The following FHIT variants were observed in gnomAD, a reference collection of about 807,000 sequenced individuals.
FHIT encodes the protein fragile histidine triad diadenosine triphosphatase.
In FHIT, 19 loss-of-function variants were observed where a neutral mutation model predicts 17.9. The observed-to-expected ratio is 1.06, with a 90% CI of 0.74 to 1.56. The LOEUF (loss-of-function observed/expected upper bound fraction) is 1.56, where lower values mean the gene tolerates loss of function less well. Ranked by LOEUF, FHIT falls within the 40% of genes most tolerant of loss-of-function variation. The pLI is 0.00. For synonymous variants in FHIT, 81 were observed against 69.7 expected, an observed-to-expected ratio of 1.16 and a Z score of -0.81; for missense variants, 248 against 189.2, an observed-to-expected ratio of 1.31 and a Z score of -1.82.
At chr3:60,356,778 AAACGG>A (rs1699683034) in intron 5 of FHIT, among the ~76,000 whole-genome samples, 1 of 135,774 alleles carries the variant, frequency 7.4e-6, no homozygotes, top group Non-Finnish European at 1.5e-5. Flanking sequence ...AAAAAAAAAA[AAACGG>A]AAGAAAGAGT....
At chr3:60,632,948 A>T (rs184121276) in intron 4 of FHIT, among the ~76,000 whole-genome samples, 119 of 152,288 alleles carry the variant, frequency 7.8e-4, no homozygotes, top group African/African-American at 2.8e-3. Flanking sequence ...GAAACCTGAC[A>T]CTAAACTCCT....
chr3:60,558,796 C>T (rs532720199), intron 4 of FHIT, among the ~76,000 whole-genome samples: 1 of 152,270 alleles, frequency 6.6e-6, no homozygotes, highest in East Asian at 1.9e-4. Flanking sequence ...ATACCATTAC[C>T]AATCAATCAG....
At chr3:59,982,012 C>A (rs1405172839) in intron 7 of FHIT, among the ~76,000 whole-genome samples, 1 of 152,056 alleles carries the variant, frequency 6.6e-6, no homozygotes, top group African/African-American at 2.4e-5. Context: ...GACTTCACTT[C>A]TTTCTGAACA....
chr3:60,066,630 A>ATTTTTTTTTTTTTTTTTTTTTTTT lies in FHIT; in HGVS notation c.104-52502_104-52479dup, dbSNP rs71089574. 2.9e-4 allele frequency among the ~76,000 whole-genome samples: 15 copies of ATTTTTTTTTTTTTTTTTTTTTTTT among 51,422 alleles called. 5 individuals are homozygous for ATTTTTTTTTTTTTTTTTTTTTTTT. The highest frequency in any genetic ancestry group is 1.8e-3 in the Admixed American group (5 of 2,816). The allele number at this position is 51,422 out of a possible 152,430, so 33.7% of individuals were successfully genotyped here. On this transcript the variant is annotated intron_variant, in intron 5 of 9. Coordinates refer to ENST00000492590, the MANE Select transcript of FHIT (RefSeq NM_002012.4). ...ATAGGTTGATTTTAATCCCTGACAA[A>ATTTTTTTTTTTTTTTTTTTTTTTT]TTTTTTTTTTTTTTTTTTTTTTTTT...
At chr3:60,340,608 T>C (rs959716760) in intron 5 of FHIT, among the ~76,000 whole-genome samples, 6 of 152,230 alleles carry the variant, frequency 3.9e-5, no homozygotes, top group Non-Finnish European at 7.3e-5. Flanking sequence ...CATGTCAGAA[T>C]ATGCAAGACG....
At chr3:60,066,773 C>T (rs1371560368) in intron 5 of FHIT, among the ~76,000 whole-genome samples, 2 of 150,942 alleles carry the variant, frequency 1.3e-5, no homozygotes. Context: ...TCTCCTGCCT[C>T]AGCCTCCCGA....
intron 3 of FHIT, among the ~76,000 whole-genome samples, chr3:60,992,168 G>A (rs2030283357): frequency 6.6e-6 from 1 of 152,186 alleles, no homozygotes; most frequent in South Asian, 2.1e-4. Flanking sequence ...TCAAGAACAG[G>A]TGAAACTAAC....
chr3:60,053,700 CAAG>C (rs1701974598), intron 5 of FHIT, among the ~76,000 whole-genome samples: 1 of 152,048 alleles, frequency 6.6e-6, no homozygotes, highest in African/African-American at 2.4e-5. Context: ...TGCTTTCCTG[CAAG>C]TCATATCTGA....
chr3:60,741,620 T>A lies in FHIT; in HGVS notation c.-18+80299A>T, dbSNP rs570615165. 2.2e-4 allele frequency among the ~76,000 whole-genome samples: 34 copies of A among 152,356 alleles called. No homozygotes were observed. The South Asian group carries it at 5.8e-3, about 26-fold the overall frequency. ...ACTTTGTAACATTCCCCCCAGGCAC[T>A]TCAAGTCCAGTTTCGACTCTGTGAC... On this transcript the variant is annotated intron_variant, in intron 4 of 9. Transcript: ENST00000492590.
At chr3:61,245,344 A>G (rs1291290983) in intron 1 of FHIT, among the ~76,000 whole-genome samples, 2 of 152,164 alleles carry the variant, frequency 1.3e-5, no homozygotes, top group African/African-American at 2.4e-5. Context: ...CTTTCCCCAG[A>G]GTCACACACA....
chr3:60,685,035 A>G (rs1467790900), intron 4 of FHIT, among the ~76,000 whole-genome samples: 1 of 152,166 alleles, frequency 6.6e-6, no homozygotes, highest in African/African-American at 2.4e-5. Flanking sequence ...CGAGAAGTTG[A>G]TGCTGAGAGA....
intron 5 of FHIT, among the ~76,000 whole-genome samples, chr3:60,332,768 T>C (rs886663611): frequency 2.0e-5 from 3 of 152,184 alleles, no homozygotes; most frequent in Middle Eastern, 3.4e-3. Flanking sequence ...CACCACTCCA[T>C]CCCTATCACA....
At chr3:60,168,574 G>C (rs1701282158) in intron 5 of FHIT, among the ~76,000 whole-genome samples, 2 of 152,138 alleles carry the variant, frequency 1.3e-5, no homozygotes, top group African/African-American at 4.8e-5. Context: ...GGGCATCAAG[G>C]GAGGAGAAAA....
Position 61,152,730 on chromosome 3 carries a change from T to G in FHIT, c.-164+47887A>C, listed in dbSNP as rs117769240. Among the ~76,000 whole-genome samples, 112 of 152,210 alleles carry G rather than the reference T, an allele frequency of 7.4e-4. 1 individual carries two copies. The East Asian group carries it at 0.019, about 26-fold the overall frequency. On this transcript the variant is annotated intron_variant, in intron 2 of 9. Coordinates refer to ENST00000492590, the MANE Select transcript of FHIT (RefSeq NM_002012.4). Reference sequence around the variant, plus strand: ...CACGAAAGGACTTCAAACAGAGGAATGAGAAGATCATAGCTGTGTTTTATA... The same window carrying G: ...CACGAAAGGACTTCAAACAGAGGAAGGAGAAGATCATAGCTGTGTTTTATA...
chr3:60,645,672 A>T (rs1256110751), intron 4 of FHIT, among the ~76,000 whole-genome samples: 1 of 152,212 alleles, frequency 6.6e-6, no homozygotes, highest in African/African-American at 2.4e-5. Context: ...TGGCTCTGTG[A>T]AACTGAGACA....
intron 5 of FHIT, among the ~76,000 whole-genome samples, chr3:60,320,018 G>A (rs376033666): frequency 1.2e-4 from 19 of 152,218 alleles, no homozygotes; most frequent in African/African-American, 3.9e-4. Flanking sequence ...AAAGCGCTCC[G>A]TAGGATGACA....
intron 1 of FHIT, among the ~76,000 whole-genome samples, chr3:61,210,607 T>C (rs2039431365): frequency 6.6e-6 from 1 of 152,168 alleles, no homozygotes; most frequent in African/African-American, 2.4e-5. Flanking sequence ...CTCCGAGCCA[T>C]GTGCGGTATA....
chr3:60,411,674 G>A (rs971506672), intron 5 of FHIT, among the ~76,000 whole-genome samples: 3 of 152,104 alleles, frequency 2.0e-5, no homozygotes, highest in Non-Finnish European at 4.4e-5. Context: ...ACTTAAAATT[G>A]TGTTTTAGAT....
intron 5 of FHIT, among the ~76,000 whole-genome samples, chr3:60,385,381 A>T: frequency 6.6e-6 from 1 of 152,322 alleles, no homozygotes; most frequent in South Asian, 2.1e-4. Context: ...ACAAATATAC[A>T]TCAGGTGCAG....
Sources: gnomAD v4.1 joint callset for allele counts (sites outside exome capture counted in the v4.1 genomes callset) on GRCh38, gnomAD v4.1.1 for gene constraint, MANE v1.5 for transcripts, NCBI Gene and HGNC (gene_info 2026-07-23, HGNC 2026-07-21) for gene names.